DMXL1: variants seen among roughly 807,000 people sequenced by gnomAD.
DMXL1 encodes dmX-like protein 1.
A neutral mutation model predicts 319.2 loss-of-function variants in DMXL1; 99 were observed. That is an observed-to-expected ratio of 0.31 (90% CI 0.26 to 0.37). The LOEUF (loss-of-function observed/expected upper bound fraction) is 0.37. DMXL1 is among the 10% of genes least tolerant of loss of function. DMXL1 has a pLI of 1.00. For missense variants in DMXL1, 3,745 were observed against 3,595.6 expected, an observed-to-expected ratio of 1.04 and a Z score of -1.06; for synonymous variants, 1,385 against 1,235.2, an observed-to-expected ratio of 1.12 and a Z score of -2.54.
intron 13 of DMXL1, 116 bp downstream of exon 13, chr5:119,134,505 T>C: frequency 2.2e-6 from 2 of 904,368 alleles, no homozygotes. Flanking sequence ...CATTTGTATC[T>C]TTGTTTTATT....
At chr5:119,209,052 G>T (rs897283966) in intron 34 of DMXL1, among the ~76,000 whole-genome samples, 4 of 152,062 alleles carry the variant, frequency 2.6e-5, no homozygotes, top group African/African-American at 9.7e-5. Flanking sequence ...GTTCATTCTT[G>T]TTATTTTGAT....
chr5:119,171,245 A>G lies in DMXL1; in HGVS notation c.6454A>G (p.Met2152Val). 1.2e-6 allele frequency: 2 copies of G among 1,603,164 alleles called. No homozygotes were observed. The highest frequency in any genetic ancestry group is 1.1e-5 in the South Asian group (1 of 89,412). The change falls in exon 24 of 44, where the codon ATG (methionine) becomes GTG (valine). Residue 2152 changes from methionine (M) to valine (V), a missense_variant. Physicochemically the swap from Met to Val is conservative, Grantham distance 21. This residue lies in a region of DMXL1 where 1,382 missense variants were observed against 1,269.5 expected (regional missense o/e 1.09). Transcript: ENST00000539542. ...TGGTGGGGGTCTTGCATCTGTAAGA[A>G]TGGAATTGATTTTGCTTTTGCAAGA... ...SHGGGLASVR[M>V]ELILLLQESQ...
chr5:119,193,788 A>C (rs1368415004), intron 29 of DMXL1, 40 bp from the exon 30 acceptor site: 1 of 1,582,956 alleles, frequency 6.3e-7, no homozygotes, highest in African/African-American at 1.3e-5. Context: ...GTATTAAATT[A>C]GATATGTGGC....
chr5:119,121,939 G>T (rs1382758578), intron 9 of DMXL1, among the ~76,000 whole-genome samples: 2 of 148,568 alleles, frequency 1.3e-5, no homozygotes, highest in East Asian at 4.1e-4. Flanking sequence ...CTCCCGGACG[G>T]GGCGGCTGGC....
chr5:119,177,699 G>GT (rs943270148), intron 27 of DMXL1, among the ~76,000 whole-genome samples: 1 of 151,866 alleles, frequency 6.6e-6, no homozygotes, highest in African/African-American at 2.4e-5. Flanking sequence ...TTGTAATACC[G>GT]TTTTTTAAAT....
At chr5:119,100,896 C>T (rs1472492913) in intron 2 of DMXL1, among the ~76,000 whole-genome samples, 1 of 148,844 alleles carries the variant, frequency 6.7e-6, no homozygotes, top group South Asian at 2.2e-4. Context: ...TCTCCTGCCT[C>T]AGCCTCCCGA....
chr5:119,203,201 C>T, intron 32 of DMXL1, 118 bp from the exon 33 acceptor site: 4 of 614,178 alleles, frequency 6.5e-6, no homozygotes, highest in Non-Finnish European at 2.8e-6. Context: ...GATCTGCCTC[C>T]AGTCATACAG....
chr5:119,103,906 A>T (rs974990364), intron 3 of DMXL1, among the ~76,000 whole-genome samples: 1 of 152,162 alleles, frequency 6.6e-6, no homozygotes, highest in African/African-American at 2.4e-5. Flanking sequence ...ATAATTGATG[A>T]ATGTAATGTA....
intron 29 of DMXL1, among the ~76,000 whole-genome samples, 200 bp from the exon 30 acceptor site, chr5:119,193,628 A>G (rs1166299533): frequency 6.6e-6 from 1 of 152,202 alleles, no homozygotes; most frequent in African/African-American, 2.4e-5. Flanking sequence ...TGGATACTTA[A>G]TAAATTTTTG....
chr5:119,208,871 C>G (rs1292096466), intron 34 of DMXL1, among the ~76,000 whole-genome samples: 1 of 152,110 alleles, frequency 6.6e-6, no homozygotes, highest in Non-Finnish European at 1.5e-5. Flanking sequence ...CCCACCTGTG[C>G]CCTCTTCCCC....
chr5:119,119,803 G>A (rs992107820), intron 8 of DMXL1, among the ~76,000 whole-genome samples: 8 of 151,918 alleles, frequency 5.3e-5, no homozygotes, highest in Non-Finnish European at 8.8e-5. Flanking sequence ...AAGCCATGGC[G>A]CTCGGCCTAT....
intron 21 of DMXL1, 43 bp downstream of exon 21, chr5:119,165,323 A>G: frequency 9.5e-7 from 1 of 1,056,332 alleles, no homozygotes; most frequent in Non-Finnish European, 1.4e-6. Context: ...CAATGTGAAA[A>G]CCTGTTCATA....
intron 19 of DMXL1, among the ~76,000 whole-genome samples, chr5:119,163,199 C>G (rs1772647863): frequency 6.6e-6 from 1 of 152,030 alleles, no homozygotes; most frequent in Admixed American, 6.6e-5. Flanking sequence ...ATTTAATTAT[C>G]AAAACTATGT....
intron 13 of DMXL1, among the ~76,000 whole-genome samples, chr5:119,136,478 G>C (rs1472243529): frequency 6.6e-6 from 1 of 152,246 alleles, no homozygotes; most frequent in African/African-American, 2.4e-5. Flanking sequence ...GTAACCAGGA[G>C]CTGAATGTTA....
intron 13 of DMXL1, among the ~76,000 whole-genome samples, chr5:119,134,886 T>C (rs1401308330): frequency 1.3e-5 from 2 of 152,244 alleles, no homozygotes; most frequent in African/African-American, 2.4e-5. Context: ...TGCATTGTCT[T>C]GGGACATCCA....
intron 34 of DMXL1, among the ~76,000 whole-genome samples, chr5:119,211,648 C>G (rs1454589136): frequency 2.0e-5 from 3 of 152,170 alleles, no homozygotes; most frequent in Non-Finnish European, 4.4e-5. Flanking sequence ...TTATGTTCAC[C>G]TGATTGCTTC....
chr5:119,246,330 C>G (rs1297282336), intron 43 of DMXL1, among the ~76,000 whole-genome samples: 1 of 152,164 alleles, frequency 6.6e-6, no homozygotes, highest in Non-Finnish European at 1.5e-5. Context: ...TTACTGTACA[C>G]CTATACGGCA....
chr5:119,237,465 TAAAC>T (rs1249301269), intron 40 of DMXL1, 51 bp downstream of exon 40: 1 of 1,147,678 alleles, frequency 8.7e-7, no homozygotes, highest in Non-Finnish European at 1.3e-6. Context: ...TCATTTTAAA[TAAAC>T]CAAGAATACG....
chr5:119,114,455 C>T lies in DMXL1; in HGVS notation c.498-20C>T, dbSNP rs764077914. 3 of 1,540,726 alleles carry T rather than the reference C, an allele frequency of 1.9e-6. No homozygotes were observed. Among genetic ancestry groups the T allele is most frequent in the Non-Finnish European group, 2.7e-6 (3 of 1,127,572 alleles). ...TTTTAGTTTTCATTGCAAATTATTC[C>T]TTATCTGTTTAATTTACAGAACTGC... On this transcript the variant is annotated intron_variant, in intron 5 of 43. Transcript: ENST00000539542.
Sources: allele counts gnomAD v4.1 joint callset (sites outside exome capture counted in the v4.1 genomes callset), GRCh38; gene constraint gnomAD v4.1.1; regional missense constraint gnomAD v4.1.1; transcripts MANE v1.5; gene names NCBI Gene and HGNC (gene_info 2026-07-23, HGNC 2026-07-21).